The following STAU2 variants were observed in gnomAD, a reference collection of about 807,000 sequenced individuals.
The protein encoded by STAU2 is staufen double-stranded RNA binding protein 2.
In STAU2, 20 loss-of-function variants were observed where a neutral mutation model predicts 65.9. The ratio of observed to expected loss-of-function variants is 0.30; its 90% CI spans 0.21 to 0.44. The LOEUF (loss-of-function observed/expected upper bound fraction) is 0.44, where lower values mean the gene tolerates loss of function less well. STAU2 is among the 20% of genes least tolerant of loss of function. The probability of loss-of-function intolerance (pLI) is 1.00; values close to 1 mark genes in which losing one functional copy is unlikely to be tolerated. For synonymous variants in STAU2, 232 were observed against 233.9 expected, an observed-to-expected ratio of 0.99 and a Z score of 0.07; for missense variants, 558 against 683.9, an observed-to-expected ratio of 0.82 and a Z score of 2.05.
intron 13 of STAU2, among the ~76,000 whole-genome samples, chr8:73,498,566 A>T (rs1388736747): frequency 6.6e-6 from 1 of 151,822 alleles, no homozygotes; most frequent in Admixed American, 6.6e-5. Flanking sequence ...TTCATCATTA[A>T]GTACTTCATT....
At chr8:73,588,970 AAAT>A (rs1810576778) in intron 11 of STAU2, among the ~76,000 whole-genome samples, 2 of 152,306 alleles carry the variant, frequency 1.3e-5, no homozygotes, top group South Asian at 4.1e-4. Context: ...TCCCAGGATT[AAAT>A]AATAAATAGC....
At chr8:73,683,958 G>C (rs137949289) in intron 5 of STAU2, among the ~76,000 whole-genome samples, 7 of 152,258 alleles carry the variant, frequency 4.6e-5, no homozygotes, top group African/African-American at 1.7e-4. Flanking sequence ...AGAAATCATA[G>C]AGGATACAAA....
intron 1 of STAU2, 66 bp downstream of exon 1, chr8:73,746,717 C>A: frequency 9.6e-7 from 1 of 1,046,446 alleles, no homozygotes; most frequent in Non-Finnish European, 1.2e-6. Flanking sequence ...CCCCAGCGCC[C>A]TCTGCCTTCT....
intron 4 of STAU2, among the ~76,000 whole-genome samples, chr8:73,694,857 G>C (rs1435321841): frequency 6.6e-6 from 1 of 152,202 alleles, no homozygotes; most frequent in Non-Finnish European, 1.5e-5. Context: ...TGTCACAGCA[G>C]ACAATGAAAA....
intron 13 of STAU2, among the ~76,000 whole-genome samples, chr8:73,424,031 C>T (rs942508009): frequency 7.2e-5 from 11 of 152,064 alleles, no homozygotes; most frequent in African/African-American, 2.7e-4. Flanking sequence ...CCCTACAAAT[C>T]CTCTGTGCCC....
chr8:73,526,757 A>G (rs1805482757), intron 13 of STAU2, among the ~76,000 whole-genome samples: 1 of 152,232 alleles, frequency 6.6e-6, no homozygotes, highest in Admixed American at 6.5e-5. Context: ...AAAAATATGT[A>G]TTCTGTTGTA....
intron 13 of STAU2, among the ~76,000 whole-genome samples, chr8:73,494,380 T>C (rs539424283): frequency 3.3e-5 from 5 of 151,790 alleles, no homozygotes; most frequent in East Asian, 3.9e-4. Flanking sequence ...GTATTCACTA[T>C]AAAATTCCGT....
chr8:73,556,202 A>G (rs544633059), intron 12 of STAU2, among the ~76,000 whole-genome samples: 10 of 152,318 alleles, frequency 6.6e-5, no homozygotes, highest in African/African-American at 2.4e-4. Flanking sequence ...CTGTTTCTTA[A>G]AACAATTCCA....
At chr8:73,557,755 C>T (rs191311174) in intron 12 of STAU2, among the ~76,000 whole-genome samples, 1 of 152,328 alleles carries the variant, frequency 6.6e-6, no homozygotes, top group African/African-American at 2.4e-5. Context: ...CACTACACTT[C>T]CCTCGCTCAG....
intron 6 of STAU2, among the ~76,000 whole-genome samples, chr8:73,643,034 C>T (rs1586178850): frequency 6.6e-6 from 1 of 152,136 alleles, no homozygotes; most frequent in East Asian, 1.9e-4. Flanking sequence ...GTCCAGTCTC[C>T]TACATGAAAC....
intron 6 of STAU2, among the ~76,000 whole-genome samples, chr8:73,636,081 T>C (rs1316293556): frequency 6.6e-6 from 1 of 151,936 alleles, no homozygotes; most frequent in Admixed American, 6.6e-5. Flanking sequence ...TGGCCAGGCA[T>C]AGTGGCTCAC....
At chr8:73,513,145 T>A (rs1283774136) in intron 13 of STAU2, among the ~76,000 whole-genome samples, 1 of 152,204 alleles carries the variant, frequency 6.6e-6, no homozygotes, top group Non-Finnish European at 1.5e-5. Context: ...AACTCTGGAT[T>A]TTTATGTTCT....
At chr8:73,721,526 C>G (rs1821690796) in intron 3 of STAU2, among the ~76,000 whole-genome samples, 1 of 152,078 alleles carries the variant, frequency 6.6e-6, no homozygotes, top group African/African-American at 2.4e-5. Flanking sequence ...CCAATTATGA[C>G]TGGATTTCTC....
rs752828830 is a variant in STAU2 at position 73,613,731 on chromosome 8, A to G, written c.891+13T>C. 1 of 1,589,212 alleles carries G rather than the reference A, an allele frequency of 6.3e-7. No individual in the cohort carries two copies. Among genetic ancestry groups the G allele is most frequent in the Admixed American group, 1.7e-5 (1 of 58,018 alleles). ...TTAGTAAAACTGACTGATGTTCACAAATATAAACTTACCTTTACTATTGTT... is the reference window on the plus strand; with the variant it reads ...TTAGTAAAACTGACTGATGTTCACAGATATAAACTTACCTTTACTATTGTT... On this transcript the variant is annotated intron_variant, in intron 9 of 14. Coordinates refer to ENST00000524300, the MANE Select transcript of STAU2 (RefSeq NM_001164380.2).
intron 4 of STAU2, among the ~76,000 whole-genome samples, chr8:73,694,329 C>G (rs967288965): frequency 1.3e-5 from 2 of 152,132 alleles, no homozygotes; most frequent in African/African-American, 4.8e-5. Flanking sequence ...TATCAGCCAA[C>G]ACAATCTTAT....
At chr8:73,491,936 T>A (rs545215123) in intron 13 of STAU2, among the ~76,000 whole-genome samples, 1 of 152,072 alleles carries the variant, frequency 6.6e-6, no homozygotes, top group Admixed American at 6.6e-5. Context: ...GAAGAAACCA[T>A]TAAACTGAGT....
chr8:73,494,930 C>T (rs1349929161), intron 13 of STAU2, among the ~76,000 whole-genome samples: 1 of 151,526 alleles, frequency 6.6e-6, no homozygotes, highest in Admixed American at 6.6e-5. Flanking sequence ...TTGTGCTGAG[C>T]CATTAAAATG....
At chr8:73,454,647 T>C (rs369720030) in intron 13 of STAU2, among the ~76,000 whole-genome samples, 1 of 152,194 alleles carries the variant, frequency 6.6e-6, no homozygotes, top group South Asian at 2.1e-4. Context: ...AACACAGAAA[T>C]AGCAATCACA....
At chr8:73,477,927 T>C (rs977333120) in intron 13 of STAU2, among the ~76,000 whole-genome samples, 5 of 152,124 alleles carry the variant, frequency 3.3e-5, no homozygotes, top group Non-Finnish European at 7.3e-5. Context: ...ACAATTTTGA[T>C]AACTTTATAG....
Sources: gnomAD v4.1 joint callset for allele counts (sites outside exome capture counted in the v4.1 genomes callset) on GRCh38, gnomAD v4.1.1 for gene constraint, MANE v1.5 for transcripts, NCBI Gene and HGNC (gene_info 2026-07-23, HGNC 2026-07-21) for gene names.